The following MEIS2 variants were observed in gnomAD, a reference collection of about 807,000 sequenced individuals.
MEIS2 encodes the protein homeobox protein Meis2.
MEIS2 carries 9 observed loss-of-function variants against 58.6 expected under a neutral mutation model. The ratio of observed to expected loss-of-function variants is 0.15; its 90% CI spans 0.09 to 0.27. The LOEUF is 0.27. Ranked by LOEUF, MEIS2 falls within the 10% of genes least tolerant of loss-of-function variation. The pLI is 1.00. For missense variants in MEIS2, 427 were observed against 635.0 expected (o/e 0.67, Z 3.52); for synonymous variants, 221 against 228.4 (o/e 0.97, Z 0.29).
intron 7 of MEIS2, among the ~76,000 whole-genome samples, chr15:37,056,372 G>A (rs1888399535): frequency 6.6e-6 from 1 of 152,104 alleles, no homozygotes. Flanking sequence ...TGTTTATTCA[G>A]GCATAACAAG....
chr15:37,038,980 T>A (rs150199655), intron 7 of MEIS2, among the ~76,000 whole-genome samples: 5 of 152,262 alleles, frequency 3.3e-5, no homozygotes, highest in Admixed American at 3.3e-4. Flanking sequence ...GTGGATGTGC[T>A]CTCCAAAATA....
In MEIS2 at chr15:36,889,868, C is replaced by T. The variant is rs1328393342; in HGVS notation, c.*2305G>A. 6.6e-6 allele frequency: 1 copy of T among 152,140 alleles called. No homozygotes were observed. The highest frequency in any genetic ancestry group is 2.4e-5 in the African/African-American group (1 of 41,442). The allele number at this position is 152,140 out of a possible 1,614,324, so 9.4% of individuals were successfully genotyped here. On this transcript the variant is annotated 3_prime_UTR_variant, in exon 12 of 12. Transcript: ENST00000561208. ...CAAAAATGAGAGGGAAGCTATCTCT[C>T]TTTCCCAAGTGGCACTGAATTTCTC...
At chr15:37,096,086 T>G (rs895045134) in intron 3 of MEIS2, 1 of 554,630 alleles carries the variant, frequency 1.8e-6, no homozygotes, top group Non-Finnish European at 3.1e-6. Flanking sequence ...GTATTCCTGC[T>G]GGGGGGGAAA....
chr15:36,900,800 A>T (rs2056430272), intron 9 of MEIS2, among the ~76,000 whole-genome samples: 1 of 152,192 alleles, frequency 6.6e-6, no homozygotes, highest in East Asian at 1.9e-4. Context: ...TATGGTTCAG[A>T]TTGATAGAAG....
At chr15:37,072,201 C>A (rs1890797772) in intron 7 of MEIS2, among the ~76,000 whole-genome samples, 1 of 152,042 alleles carries the variant, frequency 6.6e-6, no homozygotes. Flanking sequence ...AAAATGTAAA[C>A]CCCATCATAA....
chr15:36,925,556 C>A (rs910306910), intron 9 of MEIS2, among the ~76,000 whole-genome samples: 2 of 152,152 alleles, frequency 1.3e-5, no homozygotes, highest in Non-Finnish European at 2.9e-5. Flanking sequence ...GATTTCACCT[C>A]GTCACTTAAA....
intron 11 of MEIS2, 42 bp downstream of exon 11, chr15:36,895,109 G>T: frequency 6.6e-7 from 1 of 1,518,164 alleles, no homozygotes. Flanking sequence ...GGAGCAGGTG[G>T]CACTTCCCAG....
At position 36,892,143 on chromosome 15, in the gene MEIS2, G is replaced by A; in HGVS notation, c.*30C>T. 1.2e-6 allele frequency: 2 copies of A among 1,608,708 alleles called. No individual in the cohort carries two copies. Among genetic ancestry groups the A allele is most frequent in the Non-Finnish European group, 8.5e-7 (1 of 1,176,464 alleles). ...GAAAGTCTTAAAATAGTTTTTGCGT[G>A]TGTTTCCTTTTCCCTTGAGTTCCCT... On this transcript the variant is annotated 3_prime_UTR_variant, in exon 12 of 12. Transcript: ENST00000561208.
chr15:36,904,638 CTT>C (rs55954977), intron 9 of MEIS2, among the ~76,000 whole-genome samples: 93 of 129,114 alleles, frequency 7.2e-4, no homozygotes, highest in African/African-American at 2.0e-3. Context: ...ACATTTTCTT[CTT>C]TTTTTTTTTT....
chr15:37,036,721 C>G, intron 8 of MEIS2, 93 bp downstream of exon 8: 1 of 1,345,378 alleles, frequency 7.4e-7, no homozygotes, highest in Non-Finnish European at 9.9e-7. Context: ...AGAAAATAGG[C>G]ACCTTAGTTT....
chr15:36,968,449 T>C (rs1424841562), intron 8 of MEIS2, among the ~76,000 whole-genome samples: 1 of 152,128 alleles, frequency 6.6e-6, no homozygotes. Flanking sequence ...CCTGAATTGC[T>C]GAGAAGCTGT....
intron 7 of MEIS2, chr15:37,066,199 A>C (rs2141856133): frequency 6.6e-6 from 1 of 152,336 alleles, no homozygotes; most frequent in East Asian, 1.9e-4. Context: ...GATTTAAAAA[A>C]TCACTAGCAA....
rs1339389594 is a variant in MEIS2, at chr15:37,100,266, T to G, written c.-800A>C. On this transcript the variant is annotated 5_prime_UTR_variant, in exon 1 of 12. Transcript: ENST00000561208. ...CTCCCTCTCTCTCTTTCTCGCTCGCTCGCTCGCTCTCACTCGCGCTCGCTC... is the reference window on the plus strand; with the variant it reads ...CTCCCTCTCTCTCTTTCTCGCTCGCGCGCTCGCTCTCACTCGCGCTCGCTC... 1.3e-5 allele frequency: 2 copies of G among 152,370 alleles called. No individual in the cohort carries two copies. The highest frequency in any genetic ancestry group is 2.4e-5 in the African/African-American group (1 of 41,334). 9.4% of individuals were successfully genotyped at this position (152,370 alleles called of 1,614,324 possible).
chr15:36,980,835 C>T (rs1167881742), intron 8 of MEIS2, among the ~76,000 whole-genome samples: 1 of 152,048 alleles, frequency 6.6e-6, no homozygotes, highest in South Asian at 2.1e-4. Flanking sequence ...CCTATACTGT[C>T]TCTTCTGTTC....
intron 7 of MEIS2, among the ~76,000 whole-genome samples, chr15:37,074,859 CAT>C (rs1202435677): frequency 6.6e-6 from 1 of 151,998 alleles, no homozygotes; most frequent in Admixed American, 6.6e-5. Flanking sequence ...GGTCTCGACT[CAT>C]AGTTCAAGAT....
At chr15:36,961,681 G>A (rs1043751495) in intron 8 of MEIS2, among the ~76,000 whole-genome samples, 10 of 151,904 alleles carry the variant, frequency 6.6e-5, no homozygotes, top group African/African-American at 9.7e-5. Flanking sequence ...TTCTTAGCTT[G>A]GGTAAACAAG....
chr15:36,949,433 T>C (rs2058680392), intron 9 of MEIS2, among the ~76,000 whole-genome samples: 1 of 152,030 alleles, frequency 6.6e-6, no homozygotes, highest in Non-Finnish European at 1.5e-5. Flanking sequence ...CTTTGATAAA[T>C]ATATTAAGGA....
rs2060196337 is a variant in MEIS2 at position 36,989,393 on chromosome 15, A to G, written c.901-38993T>C. Among the ~76,000 whole-genome samples, 3 of 152,162 alleles carry G rather than the reference A, an allele frequency of 2.0e-5. No homozygotes were observed. In the South Asian group the frequency reaches 6.2e-4, roughly 32 times the overall value. Reference sequence around the variant, plus strand: ...ATGCTCATGACAGTATTCGCGTTTGAAAATACAAGAGGTTTAGGTTTGGTG... The same window carrying G: ...ATGCTCATGACAGTATTCGCGTTTGGAAATACAAGAGGTTTAGGTTTGGTG... On this transcript the variant is annotated intron_variant, in intron 8 of 11. Coordinates refer to ENST00000561208, the MANE Select transcript of MEIS2 (RefSeq NM_170675.5).
At chr15:37,039,066 C>G (rs1305114206) in intron 7 of MEIS2, among the ~76,000 whole-genome samples, 1 of 152,106 alleles carries the variant, frequency 6.6e-6, no homozygotes, top group East Asian at 1.9e-4. Context: ...GGCAGTGGGC[C>G]TTGGGGATCT....
Sources: allele counts gnomAD v4.1 joint callset (sites outside exome capture counted in the v4.1 genomes callset), GRCh38; gene constraint gnomAD v4.1.1; transcripts MANE v1.5; gene names NCBI Gene and HGNC (gene_info 2026-07-23, HGNC 2026-07-21).